ACACA: variants seen among roughly 807,000 people sequenced by gnomAD.
ACACA encodes acetyl-CoA carboxylase 1.
ACACA carries 103 observed loss-of-function variants against 296.1 expected under a neutral mutation model. That is an observed-to-expected ratio of 0.35 (90% CI 0.30 to 0.41). The LOEUF (loss-of-function observed/expected upper bound fraction) is 0.41. Among genes scored for constraint, ACACA ranks in the 10% least tolerant of loss-of-function variants. ACACA has a pLI of 1.00. For synonymous variants in ACACA, 953 were observed against 1,038.6 expected, an observed-to-expected ratio of 0.92 and a Z score of 1.58; for missense variants, 1,554 against 2,989.7, an observed-to-expected ratio of 0.52 and a Z score of 11.20.
At chr17:37,127,720 T>C (rs939480480) in intron 47 of ACACA, among the ~76,000 whole-genome samples, 7 of 152,088 alleles carry the variant, frequency 4.6e-5, no homozygotes, top group African/African-American at 1.7e-4. Context: ...GGCATGCACC[T>C]TTAGTCCCAG....
intron 54 of ACACA, among the ~76,000 whole-genome samples, chr17:37,091,000 CT>C (rs1261173473): frequency 6.6e-6 from 1 of 151,738 alleles, no homozygotes; most frequent in Non-Finnish European, 1.5e-5. Flanking sequence ...ATTTAATACT[CT>C]TATTAATCAT....
intron 25 of ACACA, among the ~76,000 whole-genome samples, chr17:37,232,071 T>C (rs375792254): frequency 2.0e-5 from 3 of 152,174 alleles, no homozygotes; most frequent in East Asian, 3.8e-4. Flanking sequence ...AGAAATCTGC[T>C]TGAGAGTCCA....
chr17:37,274,347 T>C lies in ACACA; in HGVS notation c.902-48A>G, dbSNP rs375046176. The C allele has an allele frequency of 8.6e-6, 13 of 1,511,568 alleles. No individual in the cohort carries two copies. In the African/African-American group the frequency reaches 1.6e-4, roughly 19 times the overall value. 93.6% of individuals were successfully genotyped at this position (1,511,568 alleles called of 1,614,324 possible). A position where few individuals can be genotyped will look rare whatever the true frequency, so the allele number is the denominator to read the frequency against. On this transcript the variant is annotated intron_variant, in intron 8 of 55. Transcript: ENST00000616317. ...AGGGCAATTACAAGATCTTCTGCTCTTGTCAATTTTCTGCTCTGCATTCTT... is the reference window on the plus strand; with the variant it reads ...AGGGCAATTACAAGATCTTCTGCTCCTGTCAATTTTCTGCTCTGCATTCTT...
chr17:37,188,170 C>T (rs2077609096), intron 39 of ACACA, 107 bp downstream of exon 39: 1 of 1,065,602 alleles, frequency 9.4e-7, no homozygotes, highest in East Asian at 2.5e-5. Flanking sequence ...GATAATCCCA[C>T]CAGGTGAACC....
intron 1 of ACACA, among the ~76,000 whole-genome samples, chr17:37,393,668 C>T (rs1447284139): frequency 6.6e-6 from 1 of 151,904 alleles, no homozygotes; most frequent in Non-Finnish European, 1.5e-5. Flanking sequence ...CATGGTGAAA[C>T]CCGTCTCTAC....
At chr17:37,350,403 C>T (rs2048845898) in intron 1 of ACACA, among the ~76,000 whole-genome samples, 1 of 151,818 alleles carries the variant, frequency 6.6e-6, no homozygotes, top group Admixed American at 6.6e-5. Context: ...GCCTGTAGTC[C>T]CAGCTACTTG....
intron 14 of ACACA, among the ~76,000 whole-genome samples, chr17:37,254,909 C>A: frequency 6.6e-6 from 1 of 150,608 alleles, no homozygotes; most frequent in African/African-American, 2.4e-5. Context: ...GAGGAAATAG[C>A]AAGAACAAAG....
chr17:37,374,679 C>A (rs1257038572), intron 1 of ACACA, among the ~76,000 whole-genome samples: 1 of 152,100 alleles, frequency 6.6e-6, no homozygotes, highest in Non-Finnish European at 1.5e-5. Flanking sequence ...TTGGAAAAAT[C>A]TTCAACAACA....
chr17:37,166,289 C>T (rs2076663882), intron 41 of ACACA, among the ~76,000 whole-genome samples: 1 of 151,866 alleles, frequency 6.6e-6, no homozygotes, highest in African/African-American at 2.4e-5. Context: ...TGTGTGTTAC[C>T]ACCATGCCCA....
chr17:37,267,764 C>T (rs1000042383), intron 10 of ACACA, among the ~76,000 whole-genome samples: 1 of 141,048 alleles, frequency 7.1e-6, no homozygotes, highest in African/African-American at 2.6e-5. Flanking sequence ...TCTTCTTCTT[C>T]TTTTTTTTTT....
intron 3 of ACACA, among the ~76,000 whole-genome samples, chr17:37,312,251 T>C (rs2084187582): frequency 6.6e-6 from 1 of 152,158 alleles, no homozygotes; most frequent in African/African-American, 2.4e-5. Context: ...TATGGAATTT[T>C]AGGAAACAGG....
chr17:37,207,445 C>A (rs996975553), intron 31 of ACACA, among the ~76,000 whole-genome samples: 1 of 152,052 alleles, frequency 6.6e-6, no homozygotes. Flanking sequence ...TCTGACCAGG[C>A]CCATACTACA....
At chr17:37,334,583 AG>A (rs2048025820) in intron 2 of ACACA, among the ~76,000 whole-genome samples, 1 of 152,132 alleles carries the variant, frequency 6.6e-6, no homozygotes, top group Non-Finnish European at 1.5e-5. Context: ...AGACAATGCT[AG>A]CTATTCCTGT....
intron 5 of ACACA, among the ~76,000 whole-genome samples, chr17:37,282,735 C>G (rs1005082741): frequency 3.3e-5 from 5 of 152,168 alleles, no homozygotes; most frequent in African/African-American, 1.2e-4. Flanking sequence ...CTAGTCATAT[C>G]TTTCAGCTAT....
At position 37,199,121 on chromosome 17, in the gene ACACA, T is replaced by A. The variant is rs190125208; in HGVS notation, c.4158+1018A>T. On this transcript the variant is annotated intron_variant, in intron 35 of 55. Transcript: ENST00000616317. ...TGGGTGTGGTGGCACATGCCTGCAA[T>A]CCCAGCTACTTGGGAGGCTGAGGCA... Among the ~76,000 whole-genome samples, 227 of 151,924 alleles carry A rather than the reference T, an allele frequency of 1.5e-3. 2 individuals carry two copies. Among genetic ancestry groups the A allele is most frequent in the Non-Finnish European group, 5.4e-4 (37 of 67,980 alleles).
intron 1 of ACACA, chr17:37,389,427 T>C (rs933925260): frequency 3.2e-5 from 49 of 1,533,858 alleles, no homozygotes; most frequent in Non-Finnish European, 4.1e-5. Flanking sequence ...CCGGGCGTGG[T>C]GGCTCACACC....
rs2081422547 is a variant in ACACA at position 37,260,281 on chromosome 17, TATATA to T, written c.1330-756_1330-752del. The stretch of plus-strand genomic sequence containing the variant: ...ATATATATATATATATATATATATA[TATATA>T]TATATATATATTTTTTTTTTTTTTT... On this transcript the variant is annotated intron_variant, in intron 11 of 55. Coordinates refer to ENST00000616317, the MANE Select transcript of ACACA (RefSeq NM_198834.3). Among the ~76,000 whole-genome samples the T allele has an allele frequency of 2.7e-3, 98 of 36,216 alleles. 6 individuals carry two copies. Among genetic ancestry groups the T allele is most frequent in the East Asian group, 0.027 (19 of 714 alleles). 23.8% of individuals were successfully genotyped at this position (36,216 alleles called of 152,430 possible). A position where few individuals can be genotyped will look rare whatever the true frequency, so the allele number is the denominator to read the frequency against.
intron 1 of ACACA, among the ~76,000 whole-genome samples, chr17:37,356,183 TA>T (rs1198475184): frequency 6.6e-6 from 1 of 151,982 alleles, no homozygotes; most frequent in Non-Finnish European, 1.5e-5. Context: ...AATAATAAAA[TA>T]AAATTAAATT....
At chr17:37,092,625 A>T (rs2072724164) in intron 54 of ACACA, among the ~76,000 whole-genome samples, 1 of 152,244 alleles carries the variant, frequency 6.6e-6, no homozygotes, top group Non-Finnish European at 1.5e-5. Flanking sequence ...ATAGCTGTTA[A>T]GTCCTCCTTA....
Sources: gnomAD v4.1 joint callset for allele counts (sites outside exome capture counted in the v4.1 genomes callset) on GRCh38, gnomAD v4.1.1 for gene constraint, MANE v1.5 for transcripts, NCBI Gene and HGNC (gene_info 2026-07-23, HGNC 2026-07-21) for gene names.